The following AFG2A variants were observed in gnomAD, a reference collection of about 807,000 sequenced individuals.
The protein encoded by AFG2A is ATPase family gene 2 protein homolog A.
the AFG2A span, among the ~76,000 whole-genome samples, chr4:123,273,609 C>T: frequency 1.3e-5 from 2 of 152,008 alleles, no homozygotes; most frequent in Non-Finnish European, 2.9e-5. Context: ...ATCCAAAATC[C>T]AAAATGCTCC....
chr4:122,980,659 A>C, the AFG2A span, among the ~76,000 whole-genome samples: 3 of 152,160 alleles, frequency 2.0e-5, no homozygotes, highest in Admixed American at 2.0e-4. Flanking sequence ...GGCAACACTT[A>C]TCTTTCATCT....
At chr4:123,214,430 A>G in the AFG2A span, among the ~76,000 whole-genome samples, 1 of 152,094 alleles carries the variant, frequency 6.6e-6, no homozygotes, top group Non-Finnish European at 1.5e-5. Context: ...TAGGGCATTA[A>G]CATTGATCTT....
At chr4:123,276,654 T>G in the AFG2A span, among the ~76,000 whole-genome samples, 2 of 152,206 alleles carry the variant, frequency 1.3e-5, no homozygotes, top group African/African-American at 4.8e-5. Flanking sequence ...GAGTTGATTT[T>G]TGTATATGAT....
At chr4:123,136,535 G>A in the AFG2A span, among the ~76,000 whole-genome samples, 1 of 151,918 alleles carries the variant, frequency 6.6e-6, no homozygotes, top group Non-Finnish European at 1.5e-5. Context: ...ATTAGCTGGG[G>A]TGGTGGCAGG....
chr4:123,229,255 T>C, the AFG2A span, among the ~76,000 whole-genome samples: 7 of 151,990 alleles, frequency 4.6e-5, no homozygotes, highest in Admixed American at 1.3e-4. Context: ...CCCTGAGTTA[T>C]TGATTTTTAA....
chr4:123,008,776 CTT>C, the AFG2A span, among the ~76,000 whole-genome samples: 1,016 of 152,226 alleles, frequency 6.7e-3, 7 homozygotes, highest in Non-Finnish European at 9.7e-3. Flanking sequence ...ATTGATGAAA[CTT>C]AATCTGAAAA....
the AFG2A span, among the ~76,000 whole-genome samples, chr4:123,236,001 T>G: frequency 6.6e-6 from 1 of 152,184 alleles, no homozygotes; most frequent in Non-Finnish European, 1.5e-5. Flanking sequence ...ATGAACTTCT[T>G]TCTCTCTAAG....
At chr4:123,237,335 C>G in the AFG2A span, among the ~76,000 whole-genome samples, 1,755 of 152,162 alleles carry the variant, frequency 0.012, 44 homozygotes, top group African/African-American at 0.041. Context: ...GTGTTCTAAA[C>G]CTGAGATGTT....
At chr4:123,243,431 G>T in the AFG2A span, among the ~76,000 whole-genome samples, 2 of 152,158 alleles carry the variant, frequency 1.3e-5, no homozygotes, top group Admixed American at 1.3e-4. Context: ...AAAAGGATGA[G>T]TTCATGTCCT....
At chr4:123,227,148 T>C in the AFG2A span, among the ~76,000 whole-genome samples, 10 of 152,350 alleles carry the variant, frequency 6.6e-5, no homozygotes, top group Admixed American at 2.6e-4. Flanking sequence ...TTGTTGATCT[T>C]TTCAGAAAAC....
At chr4:123,140,136 T>C in the AFG2A span, among the ~76,000 whole-genome samples, 4 of 152,112 alleles carry the variant, frequency 2.6e-5, no homozygotes, top group African/African-American at 9.7e-5. Flanking sequence ...TCCTGATATG[T>C]AAAGTAAACA....
At chr4:122,952,587 CTG>C in the AFG2A span, among the ~76,000 whole-genome samples, 1 of 152,162 alleles carries the variant, frequency 6.6e-6, no homozygotes, top group Non-Finnish European at 1.5e-5. Context: ...GGATTTTTGT[CTG>C]TGTTTATAGC....
At chr4:123,293,364 A>G in the AFG2A span, among the ~76,000 whole-genome samples, 1 of 152,124 alleles carries the variant, frequency 6.6e-6, no homozygotes, top group Non-Finnish European at 1.5e-5. Flanking sequence ...ACTTCCCACA[A>G]GCAGAAAGTT....
chr4:123,276,662 G>T, the AFG2A span, among the ~76,000 whole-genome samples: 1 of 152,126 alleles, frequency 6.6e-6, no homozygotes, highest in East Asian at 1.9e-4. Flanking sequence ...TTTTGTATAT[G>T]ATGTAACGAA....
At chr4:123,244,232 G>A in the AFG2A span, among the ~76,000 whole-genome samples, 2 of 152,100 alleles carry the variant, frequency 1.3e-5, no homozygotes, top group African/African-American at 4.8e-5. Flanking sequence ...GAAAACGCAA[G>A]GCAAAGAAAA....
chr4:123,154,284 G>A, the AFG2A span, among the ~76,000 whole-genome samples: 9 of 151,740 alleles, frequency 5.9e-5, no homozygotes, highest in African/African-American at 1.2e-4. Flanking sequence ...TGTTAAAACC[G>A]ATATTATAGA....
chr4:123,228,444 T>TA, the AFG2A span, among the ~76,000 whole-genome samples: 1 of 151,742 alleles, frequency 6.6e-6, no homozygotes, highest in Non-Finnish European at 1.5e-5. Flanking sequence ...AAAGATAAGA[T>TA]ACAGATTAAT....
the AFG2A span, chr4:122,934,259 G>A: frequency 6.2e-7 from 1 of 1,614,174 alleles, no homozygotes; most frequent in Middle Eastern, 1.6e-4. Context: ...GAACAGTCCA[G>A]CATGGAAACC....
chr4:122,930,306 CA>C, the AFG2A span, among the ~76,000 whole-genome samples: 1 of 152,092 alleles, frequency 6.6e-6, no homozygotes, highest in Non-Finnish European at 1.5e-5. Context: ...CAAGTCTTCT[CA>C]AAAATCATTT....
Sources: gnomAD v4.1 joint callset for allele counts (sites outside exome capture counted in the v4.1 genomes callset) on GRCh38, gnomAD v4.1.1 for gene constraint, MANE v1.5 for transcripts, NCBI Gene and HGNC (gene_info 2026-07-23, HGNC 2026-07-21) for gene names.